The following GALNT2 variants were observed in gnomAD, a reference collection of about 807,000 sequenced individuals.
GALNT2 encodes UDP-GalNAc:polypeptide N-acetylgalactosaminyltransferase 2.
GALNT2 carries 31 observed loss-of-function variants against 81.4 expected under a neutral mutation model. The ratio of observed to expected loss-of-function variants is 0.38; its 90% CI spans 0.29 to 0.51. GALNT2 has a LOEUF of 0.51. Ranked by LOEUF, GALNT2 falls within the 20% of genes least tolerant of loss-of-function variation. GALNT2 has a pLI of 0.87. For missense variants in GALNT2, 629 were observed against 765.7 expected, an observed-to-expected ratio of 0.82 and a Z score of 2.11; for synonymous variants, 303 against 287.4, an observed-to-expected ratio of 1.05 and a Z score of -0.55.
At chr1:230,250,609 A>G in intron 10 of GALNT2, 49 bp downstream of exon 10, 1 of 1,420,978 alleles carries the variant, frequency 7.0e-7, no homozygotes, top group East Asian at 2.3e-5. Context: ...TCAGCTCTGC[A>G]AAAGGCAGGG....
At chr1:230,264,561 T>C (rs1400572830) in intron 13 of GALNT2, 3 of 152,338 alleles carry the variant, frequency 2.0e-5, no homozygotes, top group Non-Finnish European at 4.4e-5. Context: ...GTGTTTTGTG[T>C]CTGTAATATC....
Sources: gnomAD v4.1 joint callset for allele counts on GRCh38, gnomAD v4.1.1 for gene constraint, MANE v1.5 for transcripts, NCBI Gene and HGNC (gene_info 2026-07-23, HGNC 2026-07-21) for gene names.